The following SPAG16 variants were observed in gnomAD, a reference collection of about 807,000 sequenced individuals.
SPAG16 encodes the protein sperm-associated antigen 16 protein.
A neutral mutation model predicts 80.4 loss-of-function variants in SPAG16; 86 were observed. The ratio of observed to expected loss-of-function variants is 1.07; its 90% confidence interval spans 0.90 to 1.28. The LOEUF is 1.28. SPAG16 is among the 50% of genes most tolerant of loss of function. The pLI is 0.00. For synonymous variants in SPAG16, 294 were observed against 265.9 expected (o/e 1.11, Z -1.03); for missense variants, 870 against 765.3 (o/e 1.14, Z -1.61).
intron 10 of SPAG16, among the ~76,000 whole-genome samples, chr2:213,503,566 TA>T (rs2074840526): frequency 6.6e-6 from 1 of 152,152 alleles, no homozygotes; most frequent in Admixed American, 6.5e-5. Flanking sequence ...GAGGTATTCA[TA>T]AAAAGGCTAA....
chr2:213,648,950 A>G (rs2062926062), intron 10 of SPAG16, among the ~76,000 whole-genome samples: 1 of 152,170 alleles, frequency 6.6e-6, no homozygotes, highest in Non-Finnish European at 1.5e-5. Flanking sequence ...AAAGCAGGTG[A>G]CCAAAATATA....
intron 12 of SPAG16, among the ~76,000 whole-genome samples, chr2:213,976,366 A>C (rs923174890): frequency 1.3e-5 from 2 of 151,840 alleles, no homozygotes; most frequent in Middle Eastern, 3.4e-3. Flanking sequence ...ATATATACAG[A>C]AAGTGAGAGA....
intron 10 of SPAG16, among the ~76,000 whole-genome samples, chr2:213,857,986 C>A (rs1446804046): frequency 6.6e-6 from 1 of 152,098 alleles, no homozygotes; most frequent in Non-Finnish European, 1.5e-5. Context: ...GAAGTGCATC[C>A]TGAAAATGCG....
intron 11 of SPAG16, among the ~76,000 whole-genome samples, chr2:213,869,491 T>TAC (rs2075865053): frequency 1.3e-5 from 2 of 151,554 alleles, no homozygotes; most frequent in African/African-American, 2.4e-5. Context: ...CATAGTAGAC[T>TAC]TTTATTAAGA....
At chr2:214,018,075 A>G (rs980193402) in intron 13 of SPAG16, among the ~76,000 whole-genome samples, 1 of 152,150 alleles carries the variant, frequency 6.6e-6, no homozygotes, top group Non-Finnish European at 1.5e-5. Flanking sequence ...AAAAACTGGC[A>G]TATAATGCAA....
intron 10 of SPAG16, among the ~76,000 whole-genome samples, chr2:213,573,801 C>T (rs953508413): frequency 2.0e-5 from 3 of 151,996 alleles, no homozygotes; most frequent in African/African-American, 7.3e-5. Flanking sequence ...CTAAGCACTC[C>T]CAGAAGCTTT....
intron 15 of SPAG16, among the ~76,000 whole-genome samples, chr2:214,402,593 T>A (rs531998383): frequency 3.9e-5 from 6 of 152,134 alleles, no homozygotes; most frequent in Admixed American, 3.9e-4. Flanking sequence ...AGCATAAGCA[T>A]TGGAAAGAAA....
intron 9 of SPAG16, among the ~76,000 whole-genome samples, chr2:213,450,803 C>T (rs2071638422): frequency 6.6e-6 from 1 of 152,102 alleles, no homozygotes; most frequent in Admixed American, 6.6e-5. Flanking sequence ...TCTGAAAGAA[C>T]TAGAATGCTT....
intron 9 of SPAG16, among the ~76,000 whole-genome samples, chr2:213,457,794 T>C (rs528508196): frequency 6.6e-6 from 1 of 152,312 alleles, no homozygotes; most frequent in East Asian, 1.9e-4. Flanking sequence ...TTAGAACATT[T>C]AGTATACTTA....
rs532920375 is a variant in SPAG16, at chr2:214,369,827, G to A, written c.1721-40313G>A. On this transcript the variant is annotated intron_variant, in intron 15 of 15. Coordinates refer to ENST00000331683, the MANE Select transcript of SPAG16 (RefSeq NM_024532.5). The stretch of plus-strand genomic sequence containing the variant: ...ATTGATTTTATCATATTTTGCCTCT[G>A]CTAAGATGATATTCTATCAATGATT... Among the ~76,000 whole-genome samples the A allele has an allele frequency of 2.0e-5, 3 of 152,092 alleles. No homozygotes were observed. In the East Asian group the frequency reaches 5.8e-4, roughly 29 times the overall value.
At chr2:213,760,040 A>G (rs1019087570) in intron 10 of SPAG16, among the ~76,000 whole-genome samples, 1 of 152,066 alleles carries the variant, frequency 6.6e-6, no homozygotes, top group African/African-American at 2.4e-5. Flanking sequence ...GTCTCAAAAA[A>G]AGAAAAAAAA....
chr2:214,401,786 G>T (rs1701722682), intron 15 of SPAG16, among the ~76,000 whole-genome samples: 1 of 151,898 alleles, frequency 6.6e-6, no homozygotes, highest in Admixed American at 6.6e-5. Context: ...GCCAATTGCT[G>T]ACTCATAGTA....
intron 10 of SPAG16, among the ~76,000 whole-genome samples, chr2:213,546,865 C>T (rs16850452): frequency 0.099 from 15,092 of 151,870 alleles, 1,358 homozygotes; most frequent in African/African-American, 0.24. Flanking sequence ...CTGCCTTTGG[C>T]GAATTGGAAA....
intron 15 of SPAG16, among the ~76,000 whole-genome samples, chr2:214,189,020 C>T (rs1053410625): frequency 2.0e-5 from 3 of 152,038 alleles, no homozygotes; most frequent in Admixed American, 6.6e-5. Flanking sequence ...ACAAAGGAAT[C>T]GTGGTCTTTT....
intron 10 of SPAG16, among the ~76,000 whole-genome samples, chr2:213,578,389 A>G (rs1276419572): frequency 6.6e-6 from 1 of 152,182 alleles, no homozygotes; most frequent in Non-Finnish European, 1.5e-5. Context: ...TAAGATGCTA[A>G]GGTGTGTATT....
chr2:213,648,657 C>A (rs1389696402), intron 10 of SPAG16, among the ~76,000 whole-genome samples: 2 of 152,104 alleles, frequency 1.3e-5, no homozygotes, highest in African/African-American at 4.8e-5. Context: ...CTCATCTCTG[C>A]TGCTCTCTTC....
At chr2:213,773,946 T>G (rs1032502316) in intron 10 of SPAG16, among the ~76,000 whole-genome samples, 1 of 152,222 alleles carries the variant, frequency 6.6e-6, no homozygotes, top group African/African-American at 2.4e-5. Flanking sequence ...ATATTCATTA[T>G]CATATATTAT....
chr2:214,224,800 G>T (rs1364213642), intron 15 of SPAG16, among the ~76,000 whole-genome samples: 1 of 152,130 alleles, frequency 6.6e-6, no homozygotes, highest in Non-Finnish European at 1.5e-5. Flanking sequence ...CAATATAAGT[G>T]AGGCAACTTT....
intron 15 of SPAG16, among the ~76,000 whole-genome samples, chr2:214,401,093 C>T (rs1169050448): frequency 1.3e-5 from 2 of 151,908 alleles, no homozygotes; most frequent in East Asian, 1.9e-4. Context: ...ACAAAATAAA[C>T]TAAATCACAT....
Sources: allele counts gnomAD v4.1 joint callset (sites outside exome capture counted in the v4.1 genomes callset), GRCh38; gene constraint gnomAD v4.1.1; transcripts MANE v1.5; gene names NCBI Gene and HGNC (gene_info 2026-07-23, HGNC 2026-07-21).